XRN1: variants seen among roughly 807,000 people sequenced by gnomAD.
XRN1 encodes 5'-3' exoribonuclease 1.
In XRN1, 67 loss-of-function variants were observed where a neutral mutation model predicts 222.3. The observed-to-expected ratio is 0.30, with a 90% CI of 0.25 to 0.37. The LOEUF (loss-of-function observed/expected upper bound fraction) is 0.37. Among genes scored for constraint, XRN1 ranks in the 10% least tolerant of loss-of-function variants. XRN1 has a pLI of 1.00. For synonymous variants in XRN1, 643 were observed against 652.4 expected, an observed-to-expected ratio of 0.99 and a Z score of 0.22; for missense variants, 1,707 against 2,000.2, an observed-to-expected ratio of 0.85 and a Z score of 2.80.
At chr3:142,355,806 C>T (rs79225021) in intron 31 of XRN1, among the ~76,000 whole-genome samples, 10,500 of 151,532 alleles carry the variant, frequency 0.069, 1,220 homozygotes, top group African/African-American at 0.24. Context: ...GGATGGGTTG[C>T]CATGTTTTGC....
chr3:142,392,146 T>C (rs1249694070), intron 20 of XRN1, among the ~76,000 whole-genome samples: 4 of 152,090 alleles, frequency 2.6e-5, no homozygotes, highest in African/African-American at 7.2e-5. Flanking sequence ...TAGGAGAGTG[T>C]TTTGGTATTC....
intron 34 of XRN1, among the ~76,000 whole-genome samples, chr3:142,334,425 A>G (rs1440648983): frequency 6.6e-6 from 1 of 151,982 alleles, no homozygotes; most frequent in Non-Finnish European, 1.5e-5. Flanking sequence ...AAAAGTACAC[A>G]TCTAATAAAT....
rs1382876497 is a variant in XRN1, at chr3:142,307,812, T to C, written c.*3699A>G. The C allele has an allele frequency of 6.6e-6, 1 of 152,224 alleles. No individual in the cohort carries two copies. Among genetic ancestry groups the C allele is most frequent in the East Asian group, 1.9e-4 (1 of 5,204 alleles). 9.4% of individuals were successfully genotyped at this position (152,224 alleles called of 1,614,324 possible). ...ACTGACAAAGCTTACAAAATGTATATACTGAGCACTGCCAGTTTGAGTACT... is the reference window on the plus strand; with the variant it reads ...ACTGACAAAGCTTACAAAATGTATACACTGAGCACTGCCAGTTTGAGTACT... On this transcript the variant is annotated 3_prime_UTR_variant, in exon 41 of 41. Transcript: ENST00000392981.
chr3:142,349,689 A>G (rs997472391), intron 32 of XRN1, among the ~76,000 whole-genome samples: 5 of 152,070 alleles, frequency 3.3e-5, no homozygotes, highest in Admixed American at 1.3e-4. Context: ...TGTTTTGCCA[A>G]TGAAAGCTTG....
chr3:142,367,006 G>T (rs1182419502), intron 27 of XRN1, among the ~76,000 whole-genome samples: 2 of 152,260 alleles, frequency 1.3e-5, no homozygotes, highest in Admixed American at 6.5e-5. Flanking sequence ...GCAGAATTTT[G>T]GCCAGGTGAA....
intron 3 of XRN1, 152 bp downstream of exon 3, chr3:142,426,592 A>G (rs1193434321): frequency 6.0e-6 from 4 of 667,362 alleles, no homozygotes; most frequent in Non-Finnish European, 9.8e-6. Flanking sequence ...CAAGGTGACC[A>G]AATCGTCTCA....
chr3:142,332,291 T>A, intron 36 of XRN1, 84 bp downstream of exon 36: 2 of 1,076,634 alleles, frequency 1.9e-6, no homozygotes, highest in Non-Finnish European at 1.3e-6. Flanking sequence ...AGCAGTTTTA[T>A]CTTTAAAAGT....
chr3:142,379,677 G>A (rs1199802154), intron 23 of XRN1, among the ~76,000 whole-genome samples: 1 of 152,206 alleles, frequency 6.6e-6, no homozygotes, highest in Non-Finnish European at 1.5e-5. Context: ...GATTGAGACT[G>A]TTCATTCTTA....
chr3:142,419,789 C>T (rs1577404923), intron 10 of XRN1, among the ~76,000 whole-genome samples: 1 of 149,858 alleles, frequency 6.7e-6, no homozygotes, highest in Non-Finnish European at 1.5e-5. Flanking sequence ...GCCTGAGTGA[C>T]AGAGTGACAT....
Position 142,310,346 on chromosome 3 carries a change from T to C in XRN1, c.*1165A>G, listed in dbSNP as rs1048109288. On this transcript the variant is annotated 3_prime_UTR_variant, in exon 41 of 41. Coordinates refer to ENST00000392981, the MANE Select transcript of XRN1 (RefSeq NM_001282857.2). ...TAAAGAATAAATATATATATATATATAAACATAGGCCCTGCTGAGAAATCG... is the reference window on the plus strand; with the variant it reads ...TAAAGAATAAATATATATATATATACAAACATAGGCCCTGCTGAGAAATCG... 1 of 151,972 alleles carries C rather than the reference T, an allele frequency of 6.6e-6. No individual in the cohort carries two copies. The highest frequency in any genetic ancestry group is 2.4e-5 in the African/African-American group (1 of 41,194). The allele number at this position is 151,972 out of a possible 1,614,324, so 9.4% of individuals were successfully genotyped here. A position where few individuals can be genotyped will look rare whatever the true frequency, so the allele number is the denominator to read the frequency against.
At chr3:142,327,083 T>G (rs1240599108) in intron 37 of XRN1, among the ~76,000 whole-genome samples, 2 of 152,158 alleles carry the variant, frequency 1.3e-5, no homozygotes. Flanking sequence ...TCTCATTTTT[T>G]GTAGTGTCTT....
intron 15 of XRN1, among the ~76,000 whole-genome samples, chr3:142,406,477 GAATT>G (rs958194029): frequency 6.6e-6 from 1 of 152,208 alleles, no homozygotes; most frequent in Non-Finnish European, 1.5e-5. Context: ...TGACATGGCT[GAATT>G]AATAAAGTCA....
chr3:142,356,707 T>C (rs138973469), intron 31 of XRN1, among the ~76,000 whole-genome samples: 1 of 152,248 alleles, frequency 6.6e-6, no homozygotes, highest in Admixed American at 6.5e-5. Flanking sequence ...TTTCCTTTAA[T>C]ACAACTGTTA....
chr3:142,335,313 C>T, intron 34 of XRN1, 135 bp downstream of exon 34: 2 of 766,454 alleles, frequency 2.6e-6, no homozygotes, highest in South Asian at 3.5e-5. Flanking sequence ...TGACTGTCAG[C>T]TTAACTTCAG....
At chr3:142,425,167 T>G in intron 5 of XRN1, 55 bp downstream of exon 5, 2 of 1,247,464 alleles carry the variant, frequency 1.6e-6, no homozygotes, top group Non-Finnish European at 1.1e-6. Context: ...AAATGAAATC[T>G]CTTAGATATT....
chr3:142,359,798 A>C, intron 30 of XRN1, 64 bp downstream of exon 30: 1 of 1,241,618 alleles, frequency 8.1e-7, no homozygotes. Context: ...AATAAAAAGT[A>C]ATGTAAAGTC....
chr3:142,333,027 C>T lies in XRN1; in HGVS notation c.4002G>A (p.Gln1334=). ...SLNISKENEV[Q]SSHHGEPPSE... ...TTGGAGGCTCCCCATGATGAGATGA[C>T]TGTACTTCATTTTCTTTGGAGATAT... The change falls in exon 35 of 41, where the codon CAG becomes CAA. Residue 1334 remains glutamine, a synonymous_variant. Coordinates refer to ENST00000392981, the MANE Select transcript of XRN1 (RefSeq NM_001282857.2). The T allele has an allele frequency of 6.2e-7, 1 of 1,613,774 alleles. No individual in the cohort carries two copies. Among genetic ancestry groups the T allele is most frequent in the Non-Finnish European group, 8.5e-7 (1 of 1,179,844 alleles).
At chr3:142,418,963 G>C (rs1216047568) in intron 10 of XRN1, 82 bp from the exon 11 acceptor site, 1 of 1,331,082 alleles carries the variant, frequency 7.5e-7, no homozygotes, top group Non-Finnish European at 1.1e-6. Context: ...GCACCCATTT[G>C]CTTTTCTATA....
At chr3:142,429,144 CTTTTTTTTTTTTT>C (rs199947503) in intron 2 of XRN1, among the ~76,000 whole-genome samples, 15 of 120,076 alleles carry the variant, frequency 1.2e-4, no homozygotes, top group African/African-American at 4.7e-4. Flanking sequence ...TAGCCATAAT[CTTTTTTTTTTTTT>C]TTTTTTTTGA....
Sources: allele counts gnomAD v4.1 joint callset (sites outside exome capture counted in the v4.1 genomes callset), GRCh38; gene constraint gnomAD v4.1.1; transcripts MANE v1.5; gene names NCBI Gene and HGNC (gene_info 2026-07-23, HGNC 2026-07-21).